The following UNC80 variants were observed in gnomAD, a reference collection of about 807,000 sequenced individuals.
UNC80 encodes the protein protein unc-80 homolog.
Under a neutral mutation model 384.6 loss-of-function variants are expected in UNC80, and 164 were observed. The ratio of observed to expected loss-of-function variants is 0.43; its 90% CI spans 0.38 to 0.49. UNC80 has a LOEUF of 0.49. Ranked by LOEUF, UNC80 falls within the 20% of genes least tolerant of loss-of-function variation. The probability of loss-of-function intolerance (pLI) is 0.00; values close to 1 mark genes in which losing one functional copy is unlikely to be tolerated. For missense variants in UNC80, 3,330 were observed against 4,143.0 expected, an observed-to-expected ratio of 0.80 and a Z score of 5.39; for synonymous variants, 1,486 against 1,527.8, an observed-to-expected ratio of 0.97 and a Z score of 0.64.
intron 58 of UNC80, among the ~76,000 whole-genome samples, 195 bp from the exon 59 acceptor site, chr2:209,978,334 T>A (rs1355997449): frequency 2.0e-5 from 3 of 152,218 alleles, no homozygotes; most frequent in Admixed American, 6.5e-5. Flanking sequence ...ACTATTTAAT[T>A]ATATCAGTGG....
Position 209,829,319 on chromosome 2 carries a change from A to G in UNC80, c.2566A>G (p.Asn856Asp). 6.4e-7 allele frequency: 1 copy of G among 1,551,424 alleles called. No individual in the cohort carries two copies. The change falls in exon 15 of 65, where the codon AAT (asparagine) becomes GAT (aspartate). Residue 856 changes from asparagine to aspartate, a missense_variant. Around this residue, in one of 8 missense-constraint regions of UNC80, gnomAD observed 937 missense variants for 1,026.8 expected, o/e 0.91. Transcript: ENST00000673920. ...MRDYVNKDSLNNVVDFLHALL... is the reference protein window; with the variant it reads ...MRDYVNKDSLDNVVDFLHALL... ...GGACTATGTGAACAAGGACTCTCTC[A>G]ATAATGTAGTGGACTTCTTGCATGC...
At chr2:209,929,163 T>C (rs1202610694) in intron 36 of UNC80, among the ~76,000 whole-genome samples, 1 of 152,222 alleles carries the variant, frequency 6.6e-6, no homozygotes, top group East Asian at 1.9e-4. Flanking sequence ...AAATTCTGTA[T>C]TCCTACTTTT....
chr2:209,842,285 A>T, intron 20 of UNC80, 65 bp from the exon 21 acceptor site: 1 of 1,218,450 alleles, frequency 8.2e-7, no homozygotes, highest in Non-Finnish European at 1.2e-6. Context: ...TCAAGAGTTG[A>T]TCTAACCACA....
In UNC80 at chr2:209,959,611, A is replaced by T; in HGVS notation, c.7709A>T (p.Tyr2570Phe). 6.4e-7 allele frequency: 1 copy of T among 1,551,738 alleles called. No individual in the cohort carries two copies. ...ESLLNICTEF[Y>F]KHCGPRLKIL... The stretch of plus-strand genomic sequence containing the variant: ...TTACTGAATATTTGCACTGAGTTCT[A>T]TAAGCACTGTGGGCCACGGCTGAAG... The change falls in exon 51 of 65, where the codon TAT becomes TTT. Residue 2570 changes from tyrosine to phenylalanine, a missense_variant. This residue lies in a region of UNC80 where 1,049 missense variants were observed against 1,488.6 expected (regional missense o/e 0.70). Transcript: ENST00000673920.
At position 209,967,543 on chromosome 2, in the gene UNC80, G is replaced by A. The variant is rs1313724965; in HGVS notation, c.7912G>A (p.Asp2638Asn). Reference sequence around the variant, plus strand: ...CATCATGGAGATGCTACCCATTACTGACTGGACAGCTGAGGCAGTGAGGCC... The same window carrying A: ...CATCATGGAGATGCTACCCATTACTAACTGGACAGCTGAGGCAGTGAGGCC... Reference protein sequence around the residue: ...RYIMEMLPITDWTAEAVRPAL... With the variant: ...RYIMEMLPITNWTAEAVRPAL... Residue 2638 changes from aspartate (D) to asparagine (N), a missense_variant, in exon 52 of 65, where the codon GAC becomes AAC. Asp to Asn is a conservative substitution (Grantham distance 23, BLOSUM62 1). Coordinates refer to ENST00000673920, the MANE Select transcript of UNC80 (RefSeq NM_001371986.1). 6.4e-7 allele frequency: 1 copy of A among 1,551,478 alleles called. No homozygotes were observed. The highest frequency in any genetic ancestry group is 1.4e-5 in the African/African-American group (1 of 73,000).
intron 29 of UNC80, among the ~76,000 whole-genome samples, chr2:209,905,859 G>A (rs1574964953): frequency 6.6e-6 from 1 of 152,202 alleles, no homozygotes; most frequent in African/African-American, 2.4e-5. Context: ...AGTGACCAGG[G>A]CTGCTGTGCT....
rs1248002064 is a variant in UNC80, at chr2:209,825,805, A to G, written c.2332-102A>G. ...TTTCCAAATTGCAGGTGCTCCCTGT[A>G]AAACATATAAACTTGATTTAATCAT... On this transcript the variant is annotated intron_variant, in intron 13 of 64. Transcript: ENST00000673920. 8.7e-6 allele frequency: 10 copies of G among 1,145,316 alleles called. No individual in the cohort carries two copies. In the East Asian group the frequency reaches 3.0e-4, roughly 34 times the overall value. 70.9% of individuals were successfully genotyped at this position (1,145,316 alleles called of 1,614,324 possible).
chr2:209,805,900 G>A (rs546411498), intron 7 of UNC80, among the ~76,000 whole-genome samples: 5 of 152,200 alleles, frequency 3.3e-5, no homozygotes, highest in Admixed American at 1.3e-4. Flanking sequence ...AGGGATCATC[G>A]GGGGCTATGT....
At position 209,877,949 on chromosome 2, in the gene UNC80, T is replaced by C; in HGVS notation, c.3841-5T>C. ...GCTGTTTCATTGTTTTCCTTCCCAT[T>C]TTAGGCAATTGGCGTCCGATTGAAT... On this transcript the variant is annotated splice_region_variant and splice_polypyrimidine_tract_variant and intron_variant, in intron 23 of 64. Coordinates refer to ENST00000673920, the MANE Select transcript of UNC80 (RefSeq NM_001371986.1). The C allele has an allele frequency of 6.6e-7, 1 of 1,524,206 alleles. No homozygotes were observed. The highest frequency in any genetic ancestry group is 1.3e-5 in the South Asian group (1 of 79,428). The allele number at this position is 1,524,206 out of a possible 1,614,324, so 94.4% of individuals were successfully genotyped here.
chr2:209,787,265 T>G (rs1310557185), intron 5 of UNC80, among the ~76,000 whole-genome samples: 1 of 139,352 alleles, frequency 7.2e-6, no homozygotes, highest in East Asian at 2.2e-4. Context: ...GAATGAGACA[T>G]TGCCATCTTA....
rs1399089048 is a variant in UNC80, at chr2:209,931,066, A to G, written c.5994+12A>G. ...TATTCAACTATTTGGTGAGTTATAA[A>G]TGTTCATTTCCAATTACGAAGCAGC... On this transcript the variant is annotated intron_variant, in intron 38 of 64. Transcript: ENST00000673920. 6.5e-7 allele frequency: 1 copy of G among 1,528,846 alleles called. No homozygotes were observed. The highest frequency in any genetic ancestry group is 8.8e-7 in the Non-Finnish European group (1 of 1,130,006). The allele number at this position is 1,528,846 out of a possible 1,614,324, so 94.7% of individuals were successfully genotyped here. A position where few individuals can be genotyped will look rare whatever the true frequency, so the allele number is the denominator to read the frequency against.
intron 11 of UNC80, among the ~76,000 whole-genome samples, chr2:209,818,393 G>T (rs555842683): frequency 3.2e-4 from 48 of 151,692 alleles, no homozygotes; most frequent in African/African-American, 1.1e-3. Flanking sequence ...TGTTTTGTGT[G>T]CAGCAAACAT....
chr2:209,904,875 C>G lies in UNC80; in HGVS notation c.4692C>G (p.Ala1564=). The G allele has an allele frequency of 6.4e-7, 1 of 1,551,872 alleles. No homozygotes were observed. Among genetic ancestry groups the G allele is most frequent in the Non-Finnish European group, 8.7e-7 (1 of 1,147,036 alleles). Residue 1564 remains alanine, a synonymous_variant, in exon 29 of 65, where the codon GCC becomes GCG. Transcript: ENST00000673920. ...HSRSCARLVR[A]IKLLYGDSVD... is the part of the protein sequence containing the mutation. Reference sequence around the variant, plus strand: ...GCTCCTGTGCCCGACTGGTCAGAGCCATCAAGCTACTCTATGGAGACAGTG... The same window carrying G: ...GCTCCTGTGCCCGACTGGTCAGAGCGATCAAGCTACTCTATGGAGACAGTG...
At chr2:209,846,335 T>C (rs964520965) in intron 21 of UNC80, among the ~76,000 whole-genome samples, 9 of 152,146 alleles carry the variant, frequency 5.9e-5, no homozygotes, top group Non-Finnish European at 1.0e-4. Context: ...TGTTTTCATA[T>C]TCACTGAAAT....
chr2:209,849,638 G>T lies in UNC80; in HGVS notation c.3627+15G>T, dbSNP rs2082381764. 1.3e-6 allele frequency: 2 copies of T among 1,549,418 alleles called. No homozygotes were observed. The highest frequency in any genetic ancestry group is 1.4e-5 in the African/African-American group (1 of 72,922). Reference sequence around the variant, plus strand: ...CCTTGGATCTAGTAAGTTGGTGAAAGAATTTTCCCACCCTGCCCCCCATCC... The same window carrying T: ...CCTTGGATCTAGTAAGTTGGTGAAATAATTTTCCCACCCTGCCCCCCATCC... On this transcript the variant is annotated intron_variant, in intron 22 of 64. Transcript: ENST00000673920.
At position 209,983,243 on chromosome 2, in the gene UNC80, G is replaced by A. The variant is rs562204972; in HGVS notation, c.9257+926G>A. ...AATTACCCTGTACCCAAATCCTTTCGCAAATGGTTCGTGAACTACACAGAT... is the reference window on the plus strand; with the variant it reads ...AATTACCCTGTACCCAAATCCTTTCACAAATGGTTCGTGAACTACACAGAT... On this transcript the variant is annotated intron_variant, in intron 60 of 64. Transcript: ENST00000673920. Among the ~76,000 whole-genome samples, 6 of 152,140 alleles carry A rather than the reference G, an allele frequency of 3.9e-5. No homozygotes were observed. The South Asian group carries it at 1.0e-3, about 26-fold the overall frequency.
chr2:209,974,772 T>C (rs917189203), intron 56 of UNC80, among the ~76,000 whole-genome samples: 4 of 152,228 alleles, frequency 2.6e-5, no homozygotes, highest in Admixed American at 2.6e-4. Flanking sequence ...AGAATGAGTC[T>C]CTGTTCTTGA....
intron 31 of UNC80, among the ~76,000 whole-genome samples, chr2:209,914,159 G>A (rs952725713): frequency 2.0e-5 from 3 of 152,196 alleles, no homozygotes; most frequent in Admixed American, 2.0e-4. Flanking sequence ...CATAGCATAT[G>A]TCTCTCTCAG....
chr2:209,807,554 G>A (rs974903843), intron 7 of UNC80, among the ~76,000 whole-genome samples: 1 of 151,794 alleles, frequency 6.6e-6, no homozygotes, highest in African/African-American at 2.4e-5. Context: ...TAGTAGAAAC[G>A]GGGTTTCACC....
Sources: allele counts gnomAD v4.1 joint callset (sites outside exome capture counted in the v4.1 genomes callset), GRCh38; gene constraint gnomAD v4.1.1; regional missense constraint gnomAD v4.1.1; transcripts MANE v1.5; gene names NCBI Gene and HGNC (gene_info 2026-07-23, HGNC 2026-07-21).